NR6A1: variants seen among roughly 807,000 people sequenced by gnomAD.
NR6A1 encodes the protein retinoic acid receptor-related testis-associated receptor.
A neutral mutation model predicts 59.1 loss-of-function variants in NR6A1; 7 were observed. The observed-to-expected ratio is 0.12, with a 90% confidence interval of 0.07 to 0.22. The LOEUF (loss-of-function observed/expected upper bound fraction) is 0.22. Ranked by LOEUF, NR6A1 falls within the 10% of genes least tolerant of loss-of-function variation. The pLI is 1.00. For missense variants in NR6A1, 468 were observed against 611.6 expected, an observed-to-expected ratio of 0.77 and a Z score of 2.48; for synonymous variants, 243 against 236.1, an observed-to-expected ratio of 1.03 and a Z score of -0.27.
Position 124,567,453 on chromosome 9 carries a change from T to C in NR6A1, c.143-12883A>G, listed in dbSNP as rs1588672747. On this transcript the variant is annotated intron_variant, in intron 2 of 9. Transcript: ENST00000487099. ...AAAGGATTCCACAACGAAGACTGCA[T>C]TGTCAAATGCAACATCAAAACATAT... Among the ~76,000 whole-genome samples, 4 of 152,246 alleles carry C rather than the reference T, an allele frequency of 2.6e-5. 1 individual carries two copies. The highest frequency in any genetic ancestry group is 4.1e-4 in the South Asian group (2 of 4,824).
chr9:124,588,610 C>T (rs1293530648), intron 2 of NR6A1, among the ~76,000 whole-genome samples: 5 of 148,634 alleles, frequency 3.4e-5, no homozygotes, highest in Admixed American at 6.7e-5. Flanking sequence ...CCCAGGAACA[C>T]GTCGTACTGT....
intron 2 of NR6A1, among the ~76,000 whole-genome samples, chr9:124,637,531 CAA>C (rs1490071378): frequency 6.6e-6 from 1 of 152,126 alleles, no homozygotes; most frequent in African/African-American, 2.4e-5. Context: ...AAAAAAGACT[CAA>C]GAGAGGTTAG....
At chr9:124,759,853 A>G (rs1481223601) in intron 1 of NR6A1, among the ~76,000 whole-genome samples, 1 of 152,140 alleles carries the variant, frequency 6.6e-6, no homozygotes, top group Non-Finnish European at 1.5e-5. Flanking sequence ...CAGCCTGGCC[A>G]ACACAGTGAC....
At chr9:124,585,336 C>T (rs143738567) in intron 2 of NR6A1, among the ~76,000 whole-genome samples, 1 of 151,968 alleles carries the variant, frequency 6.6e-6, no homozygotes, top group Non-Finnish European at 1.5e-5. Flanking sequence ...GTCGGGAGAT[C>T]GAGACCATCC....
chr9:124,580,969 C>T (rs1490417612), intron 2 of NR6A1, among the ~76,000 whole-genome samples: 1 of 151,940 alleles, frequency 6.6e-6, no homozygotes, highest in African/African-American at 2.4e-5. Flanking sequence ...GATAGAGAAC[C>T]CAGAAATAAG....
chr9:124,675,663 C>CCA (rs1460638742), intron 2 of NR6A1, among the ~76,000 whole-genome samples: 1 of 152,202 alleles, frequency 6.6e-6, no homozygotes, highest in African/African-American at 2.4e-5. Context: ...AAGCCACTTC[C>CCA]CATGTGGCCC....
intron 2 of NR6A1, among the ~76,000 whole-genome samples, chr9:124,674,417 T>G (rs1324014526): frequency 6.6e-6 from 1 of 152,200 alleles, no homozygotes; most frequent in African/African-American, 2.4e-5. Context: ...TTAATACCTG[T>G]GTGATCTTGG....
chr9:124,741,842 C>T (rs1404356210), intron 1 of NR6A1, among the ~76,000 whole-genome samples: 3 of 151,962 alleles, frequency 2.0e-5, no homozygotes, highest in Admixed American at 2.0e-4. Context: ...CCTCATCTGT[C>T]GATTATGAGT....
At position 124,661,781 on chromosome 9, in the gene NR6A1, TTTAAA is replaced by T. The variant is rs1327209491; in HGVS notation, c.142+71522_142+71526del. Reference sequence around the variant, plus strand: ...AACTAGCTCTATGTGGCTATTTTGATTTAAATTAATCAAAATTAAATAAAACAGAA... The same window carrying T: ...AACTAGCTCTATGTGGCTATTTTGATTTAATCAAAATTAAATAAAACAGAA... On this transcript the variant is annotated intron_variant, in intron 2 of 9. Transcript: ENST00000487099. Among the ~76,000 whole-genome samples the T allele has an allele frequency of 2.0e-5, 3 of 152,348 alleles. No individual in the cohort carries two copies. The East Asian group carries it at 5.8e-4, about 29-fold the overall frequency.
chr9:124,691,767 A>G (rs1260210546), intron 2 of NR6A1, among the ~76,000 whole-genome samples: 1 of 152,248 alleles, frequency 6.6e-6, no homozygotes, highest in African/African-American at 2.4e-5. Flanking sequence ...GTGGTAACTT[A>G]GTAATGCAGG....
chr9:124,560,448 T>C lies in NR6A1; in HGVS notation c.143-5878A>G, dbSNP rs75910273. 4.6e-3 allele frequency among the ~76,000 whole-genome samples: 704 copies of C among 152,352 alleles called. 6 individuals are homozygous for C. The highest frequency in any genetic ancestry group is 0.016 in the African/African-American group (658 of 41,576). On this transcript the variant is annotated intron_variant, in intron 2 of 9. Transcript: ENST00000487099. ...GTGGTCGGCGTTACATTATTTTCAT[T>C]TCTATCCTTAAAACAGTATTAAACA...
At chr9:124,574,850 AT>A (rs1451636520) in intron 2 of NR6A1, among the ~76,000 whole-genome samples, 1 of 152,228 alleles carries the variant, frequency 6.6e-6, no homozygotes, top group East Asian at 1.9e-4. Context: ...ATGCAATAGA[AT>A]TTATTACCTT....
At chr9:124,596,731 G>A (rs1835283012) in intron 2 of NR6A1, among the ~76,000 whole-genome samples, 1 of 152,112 alleles carries the variant, frequency 6.6e-6, no homozygotes, top group Admixed American at 6.5e-5. Flanking sequence ...GTATAACACC[G>A]AGTGTGCACA....
chr9:124,520,815 G>A lies in NR6A1; in HGVS notation c.*1890C>T, dbSNP rs1588631668. ...CACACAAGAATCTTCCCACTGACGT[G>A]AAAAACATGCTAGCTGGAGCTTTTC... On this transcript the variant is annotated 3_prime_UTR_variant, in exon 10 of 10. Transcript: ENST00000487099. 1 of 152,340 alleles carries A rather than the reference G, an allele frequency of 6.6e-6. No homozygotes were observed. The highest frequency in any genetic ancestry group is 1.9e-4 in the East Asian group (1 of 5,186). 9.4% of individuals were successfully genotyped at this position (152,340 alleles called of 1,614,324 possible). A position where few individuals can be genotyped will look rare whatever the true frequency, so the allele number is the denominator to read the frequency against.
intron 1 of NR6A1, among the ~76,000 whole-genome samples, chr9:124,751,627 G>A (rs1230442497): frequency 6.6e-6 from 1 of 152,146 alleles, no homozygotes; most frequent in Non-Finnish European, 1.5e-5. Context: ...AAACCAAGTG[G>A]GGTGTGCCAT....
intron 2 of NR6A1, among the ~76,000 whole-genome samples, chr9:124,620,389 C>T (rs1315939768): frequency 6.6e-6 from 1 of 152,154 alleles, no homozygotes; most frequent in East Asian, 1.9e-4. Flanking sequence ...TGTCCAAAGA[C>T]TTGCATGTGA....
chr9:124,588,978 G>C (rs144567845), intron 2 of NR6A1, among the ~76,000 whole-genome samples: 2 of 151,178 alleles, frequency 1.3e-5, no homozygotes, highest in African/African-American at 4.9e-5. Context: ...GTTTCTTAAG[G>C]TAACTGGTTC....
chr9:124,703,791 T>C (rs1327144230), intron 2 of NR6A1, among the ~76,000 whole-genome samples: 11 of 151,838 alleles, frequency 7.2e-5, no homozygotes, highest in Non-Finnish European at 4.4e-5. Flanking sequence ...TTCTGTTTTC[T>C]AAAAGAATTT....
chr9:124,635,269 G>A (rs1160752113), intron 2 of NR6A1, among the ~76,000 whole-genome samples: 2 of 151,792 alleles, frequency 1.3e-5, no homozygotes, highest in Admixed American at 1.3e-4. Context: ...CAGTGATATG[G>A]TTTAGCTCTG....
Sources: gnomAD v4.1 joint callset for allele counts (sites outside exome capture counted in the v4.1 genomes callset) on GRCh38, gnomAD v4.1.1 for gene constraint, MANE v1.5 for transcripts, NCBI Gene and HGNC (gene_info 2026-07-23, HGNC 2026-07-21) for gene names.